ERBB4: variants seen among roughly 807,000 people sequenced by gnomAD.
ERBB4 encodes erb-b2 receptor tyrosine kinase 4.
In ERBB4, 42 loss-of-function variants were observed where a neutral mutation model predicts 158.0. That is an observed-to-expected ratio of 0.27 (90% CI 0.21 to 0.34). The LOEUF is 0.34. Among genes scored for constraint, ERBB4 ranks in the 10% least tolerant of loss-of-function variants. The probability of loss-of-function intolerance (pLI) is 1.00; values close to 1 mark genes in which losing one functional copy is unlikely to be tolerated. For missense variants in ERBB4, 1,333 were observed against 1,624.1 expected (o/e 0.82, Z 3.08); for synonymous variants, 583 against 558.7 (o/e 1.04, Z -0.61).
At chr2:211,558,819 C>A (rs962823591) in intron 20 of ERBB4, among the ~76,000 whole-genome samples, 14 of 151,818 alleles carry the variant, frequency 9.2e-5, no homozygotes, top group Non-Finnish European at 8.8e-5. Context: ...TTGTTATTTT[C>A]TTGGATTAAA....
chr2:211,524,053 C>A (rs1374483344), intron 20 of ERBB4, among the ~76,000 whole-genome samples: 1 of 151,956 alleles, frequency 6.6e-6, no homozygotes, highest in African/African-American at 2.4e-5. Flanking sequence ...ACTCACAAAC[C>A]CTGAGCTAGA....
chr2:212,069,506 AG>A (rs2078046797), intron 2 of ERBB4, among the ~76,000 whole-genome samples: 1 of 152,036 alleles, frequency 6.6e-6, no homozygotes, highest in Admixed American at 6.6e-5. Flanking sequence ...ATCAGGAACA[AG>A]GCAAATACGT....
intron 14 of ERBB4, among the ~76,000 whole-genome samples, chr2:211,666,139 A>C (rs1201172723): frequency 2.0e-5 from 3 of 152,104 alleles, no homozygotes; most frequent in Admixed American, 1.3e-4. Context: ...TAATTCCTAG[A>C]TTTTTCTTTA....
intron 1 of ERBB4, among the ~76,000 whole-genome samples, chr2:212,397,724 C>T (rs2091072350): frequency 6.6e-6 from 1 of 152,130 alleles, no homozygotes. Context: ...ACATTTCTCA[C>T]ATTTTCAATT....
chr2:212,063,268 AT>A (rs1432745690), intron 2 of ERBB4, among the ~76,000 whole-genome samples: 1 of 152,152 alleles, frequency 6.6e-6, no homozygotes, highest in East Asian at 1.9e-4. Context: ...CAAGAAAAAA[AT>A]ATTTTTAAGA....
chr2:212,388,189 G>T (rs2106430104), intron 1 of ERBB4, among the ~76,000 whole-genome samples: 1 of 152,178 alleles, frequency 6.6e-6, no homozygotes, highest in South Asian at 2.1e-4. Context: ...AAGATACAGA[G>T]AATTTATTAA....
chr2:211,585,332 A>C (rs2068239416), intron 19 of ERBB4, among the ~76,000 whole-genome samples: 2 of 135,700 alleles, frequency 1.5e-5, no homozygotes, highest in Non-Finnish European at 3.1e-5. Flanking sequence ...AGCCTGGGCG[A>C]GAGAGCGAGA....
intron 5 of ERBB4, among the ~76,000 whole-genome samples, chr2:211,735,127 A>C (rs558242996): frequency 6.6e-6 from 1 of 152,264 alleles, no homozygotes; most frequent in African/African-American, 2.4e-5. Flanking sequence ...CCATAAAGTA[A>C]TCACTTTATA....
chr2:211,405,763 A>G (rs1305600658), intron 25 of ERBB4, among the ~76,000 whole-genome samples: 2 of 152,214 alleles, frequency 1.3e-5, no homozygotes, highest in Non-Finnish European at 2.9e-5. Flanking sequence ...AAGAATAATA[A>G]TGGTTTCCAA....
In ERBB4 at chr2:212,538,679, C is replaced by T; in HGVS notation, c.-149G>A. 1 of 605,168 alleles carries T rather than the reference C, an allele frequency of 1.7e-6. No individual in the cohort carries two copies. The highest frequency in any genetic ancestry group is 2.6e-6 in the Non-Finnish European group (1 of 385,972). The allele number at this position is 605,168 out of a possible 1,614,324, so 37.5% of individuals were successfully genotyped here. A position where few individuals can be genotyped will look rare whatever the true frequency, so the allele number is the denominator to read the frequency against. On this transcript the variant is annotated 5_prime_UTR_variant, in exon 1 of 28. Coordinates refer to ENST00000342788, the MANE Select transcript of ERBB4 (RefSeq NM_005235.3). ...GCGCGCGGTGTGGCGACTCCCAGGG[C>T]GGGCGACCGAGTCCGCGCCCGCGGG... is the stretch of plus-strand genomic sequence containing the variant.
chr2:211,461,040 A>G (rs2064516294), intron 20 of ERBB4, among the ~76,000 whole-genome samples: 1 of 152,066 alleles, frequency 6.6e-6, no homozygotes, highest in Admixed American at 6.6e-5. Flanking sequence ...TATATTAGAC[A>G]GCTAGCACTC....
chr2:211,999,782 T>C (rs1575494793), intron 2 of ERBB4, among the ~76,000 whole-genome samples: 3 of 151,816 alleles, frequency 2.0e-5, no homozygotes, highest in African/African-American at 7.2e-5. Flanking sequence ...AATTTGCTAA[T>C]ATTTTAGGTT....
chr2:212,299,040 G>A (rs2086523800), intron 1 of ERBB4, among the ~76,000 whole-genome samples: 1 of 151,614 alleles, frequency 6.6e-6, no homozygotes, highest in East Asian at 1.9e-4. Context: ...GTCAGTCACT[G>A]AGTTAAAGGC....
chr2:211,701,019 T>C (rs1335496300), intron 12 of ERBB4, among the ~76,000 whole-genome samples: 1 of 152,120 alleles, frequency 6.6e-6, no homozygotes, highest in Non-Finnish European at 1.5e-5. Flanking sequence ...TAAGCATAAA[T>C]CAACGGAGTA....
chr2:211,713,768 T>C, intron 7 of ERBB4, 120 bp from the exon 8 acceptor site: 2 of 676,062 alleles, frequency 3.0e-6, no homozygotes, highest in East Asian at 2.7e-5. Flanking sequence ...TTTATGTATC[T>C]TACCCTTAAA....
intron 1 of ERBB4, among the ~76,000 whole-genome samples, chr2:212,245,913 T>C (rs2084290913): frequency 6.6e-6 from 1 of 152,166 alleles, no homozygotes; most frequent in Non-Finnish European, 1.5e-5. Context: ...ATAATGTATT[T>C]TAAATGATTT....
At chr2:212,296,679 C>T (rs2086424093) in intron 1 of ERBB4, among the ~76,000 whole-genome samples, 1 of 151,886 alleles carries the variant, frequency 6.6e-6, no homozygotes, top group Admixed American at 6.6e-5. Context: ...TGCCAACTGG[C>T]TTCAATCTGA....
chr2:211,448,208 A>C (rs1444698153), intron 20 of ERBB4, among the ~76,000 whole-genome samples: 1 of 152,170 alleles, frequency 6.6e-6, no homozygotes, highest in Non-Finnish European at 1.5e-5. Context: ...CCTGACCTCA[A>C]GTGATCCACC....
At chr2:211,868,472 C>G (rs1166853608) in intron 3 of ERBB4, among the ~76,000 whole-genome samples, 4 of 152,086 alleles carry the variant, frequency 2.6e-5, no homozygotes, top group African/African-American at 9.7e-5. Flanking sequence ...AATAGAATGG[C>G]TCTTATAAAC....
Sources: gnomAD v4.1 joint callset for allele counts (sites outside exome capture counted in the v4.1 genomes callset) on GRCh38, gnomAD v4.1.1 for gene constraint, MANE v1.5 for transcripts, NCBI Gene and HGNC (gene_info 2026-07-23, HGNC 2026-07-21) for gene names.